CELF2: variants seen among roughly 807,000 people sequenced by gnomAD.
The protein encoded by CELF2 is CUG triplet repeat RNA-binding protein 2.
Under a neutral mutation model 62.6 loss-of-function variants are expected in CELF2, and 8 were observed. The observed-to-expected ratio is 0.13, with a 90% CI of 0.07 to 0.23. The LOEUF (loss-of-function observed/expected upper bound fraction) is 0.23. CELF2 is among the 10% of genes least tolerant of loss of function. The pLI is 1.00. For missense variants in CELF2, 333 were observed against 671.0 expected, an observed-to-expected ratio of 0.50 and a Z score of 5.56; for synonymous variants, 258 against 250.0, an observed-to-expected ratio of 1.03 and a Z score of -0.30.
rs1160979915 is a variant in CELF2 at position 10,934,309 on chromosome 10, G to A, written c.89+14310G>A. On this transcript the variant is annotated intron_variant, in intron 2 of 13. Coordinates refer to the CELF2 transcript ENST00000636488. The surrounding 1 kb of genome is among the most constrained non-coding windows in gnomAD (Gnocchi z 4.4). ...AGAGCCAGCAGCTTGTAAACTCCTCGAGGAGTGGCCCCAAGTCTACCGTGC... is the reference window on the plus strand; with the variant it reads ...AGAGCCAGCAGCTTGTAAACTCCTCAAGGAGTGGCCCCAAGTCTACCGTGC... 1.3e-5 allele frequency among the ~76,000 whole-genome samples: 2 copies of A among 152,144 alleles called. No individual in the cohort carries two copies. The highest frequency in any genetic ancestry group is 6.6e-5 in the Admixed American group (1 of 15,266).
In CELF2 at chr10:10,923,096, G is replaced by A. The variant is rs1185229625; in HGVS notation, c.89+3097G>A. On this transcript the variant is annotated intron_variant, in intron 2 of 13. Transcript: ENST00000636488. ...CACGGGGAAAGTACAAATTAGCCCCGAAATACCTCGGTGCTGTGGAAAACA... is the reference window on the plus strand; with the variant it reads ...CACGGGGAAAGTACAAATTAGCCCCAAAATACCTCGGTGCTGTGGAAAACA... The A allele has an allele frequency of 3.3e-5, 5 of 152,274 alleles. No homozygotes were observed. In the South Asian group the frequency reaches 8.3e-4, roughly 25 times the overall value. The allele number at this position is 152,274 out of a possible 1,614,324, so 9.4% of individuals were successfully genotyped here. A position where few individuals can be genotyped will look rare whatever the true frequency, so the allele number is the denominator to read the frequency against.
At chr10:10,691,741 A>T in the CELF2 span, among the ~76,000 whole-genome samples, 3 of 145,680 alleles carry the variant, frequency 2.1e-5, no homozygotes, top group Admixed American at 1.4e-4. Flanking sequence ...TTTGATTTGC[A>T]TTTCTCTGAT....
At chr10:10,549,441 G>C in the CELF2 span, among the ~76,000 whole-genome samples, 5 of 152,214 alleles carry the variant, frequency 3.3e-5, no homozygotes, top group South Asian at 1.0e-3. Context: ...CCACCACCAC[G>C]CCTGGATAAT....
At chr10:11,001,507 C>T (rs559422560), upstream of CELF2, among the ~76,000 whole-genome samples, 80 of 152,266 alleles carry the variant, frequency 5.3e-4, no homozygotes, top group African/African-American at 1.9e-3. Flanking sequence ...AAATTTAGCT[C>T]TTTCTTCTGG....
At chr10:10,887,370 G>A (rs2061826288) in intron 1 of CELF2, among the ~76,000 whole-genome samples, 2 of 152,210 alleles carry the variant, frequency 1.3e-5, no homozygotes, top group South Asian at 2.1e-4. Flanking sequence ...GAAGAAAAAT[G>A]TGGCTGCTGA....
the CELF2 span, among the ~76,000 whole-genome samples, chr10:10,473,844 G>A: frequency 6.6e-6 from 1 of 152,004 alleles, no homozygotes; most frequent in East Asian, 1.9e-4. Context: ...CTTCTAGTTT[G>A]TCCTCTAAAC....
Position 11,321,343 on chromosome 10 carries a change from G to C in CELF2, c.1251G>C (p.Gln417His). The change falls in exon 11 of 13, where the codon CAG (glutamine) becomes CAC (histidine). Residue 417 changes from glutamine (Q) to histidine (H), a missense_variant. By Grantham distance (24) the Gln-to-His change is conservative. Transcript: ENST00000633077. This position sits in a 1 kb window ranked among gnomAD's most constrained non-coding sequence, Gnocchi z 6.2. The stretch of plus-strand genomic sequence containing the variant: ...CCGCGCTGCCCACTCTGTACAGCCA[G>C]AGCCTGCTGCAGCAGCAGAGCGCTG... ...AAAALPTLYS[Q>H]SLLQQQSAAG... 1 of 1,611,116 alleles carries C rather than the reference G, an allele frequency of 6.2e-7. No homozygotes were observed. The highest frequency in any genetic ancestry group is 8.5e-7 in the Non-Finnish European group (1 of 1,180,006).
chr10:11,114,053 A>G (rs998200686), intron 1 of CELF2, among the ~76,000 whole-genome samples: 9 of 152,288 alleles, frequency 5.9e-5, no homozygotes, highest in Non-Finnish European at 1.2e-4. Context: ...TAACAAATCC[A>G]ATTCTGGGAA....
the CELF2 span, among the ~76,000 whole-genome samples, chr10:10,691,210 T>C: frequency 6.6e-6 from 1 of 150,838 alleles, no homozygotes; most frequent in African/African-American, 2.4e-5. Context: ...CCTGTGTCCA[T>C]GTGATCTCAT....
At chr10:10,958,328 AC>A (rs1244535412) in intron 2 of CELF2, among the ~76,000 whole-genome samples, 1 of 152,148 alleles carries the variant, frequency 6.6e-6, no homozygotes, top group Non-Finnish European at 1.5e-5. Flanking sequence ...TTTAGAATGA[AC>A]CACATTTTAA....
intron 1 of CELF2, among the ~76,000 whole-genome samples, chr10:11,051,997 C>G (rs2064040141): frequency 6.6e-6 from 1 of 151,400 alleles, no homozygotes; most frequent in African/African-American, 2.4e-5. Context: ...CCTCCACCTA[C>G]CAGGCTGAAG....
the CELF2 span, among the ~76,000 whole-genome samples, chr10:10,491,055 G>A: frequency 6.6e-6 from 1 of 152,116 alleles, no homozygotes; most frequent in African/African-American, 2.4e-5. Context: ...GTAGGGAATG[G>A]ACTAAGGAAA....
At position 10,833,013 on chromosome 10, in the gene CELF2, CTGTG is replaced by C. The variant is rs71378768; in HGVS notation, c.53+34232_53+34235del. Reference sequence around the variant, plus strand: ...GAGCCTCCTACAGACACAGAAAACTCTGTGTGTGTGTGTGTGTGTGTGTGTGTGT... The same window carrying C: ...GAGCCTCCTACAGACACAGAAAACTCTGTGTGTGTGTGTGTGTGTGTGTGT... On this transcript the variant is annotated intron_variant, in intron 1 of 13. Coordinates refer to the CELF2 transcript ENST00000636488. Among the ~76,000 whole-genome samples, 1,338 of 144,576 alleles carry C rather than the reference CTGTG, an allele frequency of 9.3e-3. 5 individuals carry two copies. The highest frequency in any genetic ancestry group is 0.02 in the African/African-American group (757 of 38,770). The allele number at this position is 144,576 out of a possible 152,430, so 94.8% of individuals were successfully genotyped here. A position where few individuals can be genotyped will look rare whatever the true frequency, so the allele number is the denominator to read the frequency against.
chr10:11,148,172 G>GA (rs1327412280), intron 1 of CELF2, among the ~76,000 whole-genome samples: 1 of 152,184 alleles, frequency 6.6e-6, no homozygotes, highest in Non-Finnish European at 1.5e-5. Context: ...TATTACAGTT[G>GA]AGAGAGTAAA....
the CELF2 span, among the ~76,000 whole-genome samples, chr10:10,760,795 G>T: frequency 2.0e-5 from 3 of 152,218 alleles, no homozygotes; most frequent in Admixed American, 6.5e-5. Context: ...TGGAAAGAAA[G>T]AGCTCTATGA....
At chr10:11,205,010 G>A (rs2060113122) in intron 2 of CELF2, among the ~76,000 whole-genome samples, 2 of 152,174 alleles carry the variant, frequency 1.3e-5, no homozygotes, top group Non-Finnish European at 2.9e-5. Context: ...ATATCATAGA[G>A]CATACAGTTG....
At chr10:10,792,416 T>A in the CELF2 span, 1 of 398,354 alleles carries the variant, frequency 2.5e-6, no homozygotes, top group Non-Finnish European at 4.4e-6. Context: ...GGTTAGGAAT[T>A]CCATCTCTAT....
chr10:11,290,901 A>G lies in CELF2; in HGVS notation c.976+2349A>G, dbSNP rs552323030. Among the ~76,000 whole-genome samples, 1 of 152,376 alleles carries G rather than the reference A, an allele frequency of 6.6e-6. No homozygotes were observed. The highest frequency in any genetic ancestry group is 2.1e-4 in the South Asian group (1 of 4,830). On this transcript the variant is annotated intron_variant, in intron 9 of 12. Coordinates refer to ENST00000633077, the MANE Select transcript of CELF2 (RefSeq NM_001326342.2). The surrounding 1 kb of genome is among the most constrained non-coding windows in gnomAD (Gnocchi z 4.3). ...ATTTCAATTATTTTTCTTAAGTGTA[A>G]CTAAAAAATCTGATGTTTAAGTGAA...
intron 9 of CELF2, among the ~76,000 whole-genome samples, chr10:11,313,430 GA>G (rs1353214190): frequency 6.6e-6 from 1 of 152,158 alleles, no homozygotes; most frequent in African/African-American, 2.4e-5. Context: ...AAGATATTAT[GA>G]ATAACTTTAT....
Sources: gnomAD v4.1 joint callset for allele counts (sites outside exome capture counted in the v4.1 genomes callset) on GRCh38, gnomAD v4.1.1 for gene constraint, Gnocchi (gnomAD v3.1) non-coding constraint, MANE v1.5 for transcripts, NCBI Gene and HGNC (gene_info 2026-07-23, HGNC 2026-07-21) for gene names.